The following MUC3A variants were observed in gnomAD, a reference collection of about 807,000 sequenced individuals.
MUC3A encodes mucin-3A.
In MUC3A, 109 loss-of-function variants were observed where a neutral mutation model predicts 109.0. The ratio of observed to expected loss-of-function variants is 1.00; its 90% CI spans 0.86 to 1.17. The LOEUF is 1.17. Among genes scored for constraint, MUC3A ranks in the 50% most tolerant of loss-of-function variants. The pLI, the probability that MUC3A is intolerant of heterozygous loss-of-function variation, is 0.00. For synonymous variants in MUC3A, 1,398 were observed against 981.4 expected (o/e 1.42, Z -7.93); for missense variants, 3,537 against 2,469.4 (o/e 1.43, Z -9.16).
chr7:100,950,339 C>G (rs1237621679), intron 1 of MUC3A, among the ~76,000 whole-genome samples: 2 of 152,252 alleles, frequency 1.3e-5, no homozygotes, highest in African/African-American at 4.8e-5. Flanking sequence ...CCAGGCTTCT[C>G]TCTTCTGCCC....
chr7:100,966,152 T>TTGTTCTAGGGTGGATCCCCGCCCCCG, intron 8 of MUC3A: 2 of 503,076 alleles, frequency 4.0e-6, no homozygotes, highest in Non-Finnish European at 6.3e-6. Context: ...CCCCGCCCCC[T>TTGTTCTAGGGTGGATCCCCGCCCCCG]CCTTCTAGGG....
chr7:100,962,809 CTCTCTTTCTT>C (rs754597298), intron 3 of MUC3A, among the ~76,000 whole-genome samples: 4 of 30,704 alleles, frequency 1.3e-4, no homozygotes, highest in South Asian at 1.0e-3. Flanking sequence ...CTCTCTCTCT[CTCTCTTTCTT>C]TCTTTCTTTC....
rs78162235 is a variant in MUC3A, at chr7:100,958,632, C to G, written c.6853C>G (p.His2285Asp). The change falls in exon 2 of 12, where the codon CAC becomes GAC. Residue 2285 changes from histidine (H) to aspartate (D), a missense_variant. Coordinates refer to ENST00000379458, the MANE Select transcript of MUC3A (RefSeq NM_005960.2). The part of the protein sequence containing the change: ...SSITTSETPS[H>D]STPSSTSLIT... The stretch of plus-strand genomic sequence containing the variant: ...AATCACCACCAGTGAGACCCCCTCA[C>G]ACAGTACTCCCAGCTCCACTTCTTT... 17 of 1,451,414 alleles carry G rather than the reference C, an allele frequency of 1.2e-5. No homozygotes were observed. In the African/African-American group the frequency reaches 2.5e-4, roughly 22 times the overall value. The allele number at this position is 1,451,414 out of a possible 1,614,324, so 89.9% of individuals were successfully genotyped here.
In MUC3A at chr7:100,957,967, T is replaced by C; in HGVS notation, c.6188T>C (p.Ile2063Thr). ...AGTACTCCCAGCTTCACTTCATTGATCACCATCACCGAGATCACCTCACAC... is the reference window on the plus strand; with the variant it reads ...AGTACTCCCAGCTTCACTTCATTGACCACCATCACCGAGATCACCTCACAC... ...SHSTPSFTSL[I>T]TITEITSHST... The change falls in exon 2 of 12, where the codon ATC becomes ACC. Residue 2063 changes from isoleucine to threonine, a missense_variant. Coordinates refer to ENST00000379458, the MANE Select transcript of MUC3A (RefSeq NM_005960.2). 2.6e-6 allele frequency: 2 copies of C among 780,382 alleles called. No homozygotes were observed. The highest frequency in any genetic ancestry group is 1.3e-5 in the South Asian group (1 of 74,682). 48.3% of individuals were successfully genotyped at this position (780,382 alleles called of 1,614,324 possible).
Position 100,957,021 on chromosome 7 carries a change from A to T in MUC3A, c.5242A>T (p.Ile1748Phe). The T allele has an allele frequency of 4.4e-6, 2 of 452,960 alleles. No homozygotes were observed. Among genetic ancestry groups the T allele is most frequent in the Non-Finnish European group, 7.7e-6 (2 of 258,238 alleles). The allele number at this position is 452,960 out of a possible 1,614,324, so 28.1% of individuals were successfully genotyped here. ...CACCACACTGACTCCTACCTCTGAC[A>T]TTTCCACAGGATCTTTCAAAACAGC... ...KTTTLTPTSDISTGSFKTAVS... is the reference protein window; with the variant it reads ...KTTTLTPTSDFSTGSFKTAVS... Residue 1748 changes from isoleucine to phenylalanine, a missense_variant, in exon 2 of 12, where the codon ATT (isoleucine) becomes TTT (phenylalanine). Ile to Phe is a conservative substitution (Grantham distance 21, BLOSUM62 0). Coordinates refer to ENST00000379458, the MANE Select transcript of MUC3A (RefSeq NM_005960.2).
At chr7:100,965,923 A>T in intron 8 of MUC3A, 57 bp downstream of exon 8, 1 of 1,533,668 alleles carries the variant, frequency 6.5e-7, no homozygotes, top group East Asian at 2.3e-5. Context: ...TTCTAGGATG[A>T]AGCCCTGCCC....
chr7:100,959,131 C>T lies in MUC3A; in HGVS notation c.7352C>T (p.Thr2451Ile). Residue 2451 changes from threonine to isoleucine, a missense_variant, in exon 2 of 12, where the codon ACA becomes ATA. Physicochemically the swap from Thr to Ile is moderately conservative, Grantham distance 89. Coordinates refer to ENST00000379458, the MANE Select transcript of MUC3A (RefSeq NM_005960.2). Reference protein sequence around the residue: ...PSLSSSTIYSTVSTSTTAITS... With the variant: ...PSLSSSTIYSIVSTSTTAITS... ...CTCAGTTCTTCAACCATCTACTCCA[C>T]AGTCAGCACATCCACAACTGCCATC... 7.1e-7 allele frequency: 1 copy of T among 1,400,058 alleles called. No homozygotes were observed. Among genetic ancestry groups the T allele is most frequent in the Non-Finnish European group, 9.3e-7 (1 of 1,080,734 alleles). 86.7% of individuals were successfully genotyped at this position (1,400,058 alleles called of 1,614,324 possible). A position where few individuals can be genotyped will look rare whatever the true frequency, so the allele number is the denominator to read the frequency against.
intron 5 of MUC3A, 45 bp downstream of exon 5, chr7:100,963,797 A>T: frequency 1.3e-6 from 2 of 1,597,372 alleles, no homozygotes. Context: ...TGGGTGGGGG[A>T]AATGTGCGCA....
In MUC3A at chr7:100,959,779, G is replaced by C; in HGVS notation, c.8000G>C (p.Ser2667Thr). The C allele has an allele frequency of 1.3e-6, 2 of 1,597,404 alleles. No homozygotes were observed. The highest frequency in any genetic ancestry group is 1.7e-6 in the Non-Finnish European group (2 of 1,179,206). Residue 2667 changes from serine (S) to threonine (T), a missense_variant, in exon 2 of 12, where the codon AGT (serine) becomes ACT (threonine). Coordinates refer to ENST00000379458, the MANE Select transcript of MUC3A (RefSeq NM_005960.2). Reference sequence around the variant, plus strand: ...ACTACAGAATCTTTCACTAGGGGAAGTACGTCTACAAATGCAATCTTGACT... The same window carrying C: ...ACTACAGAATCTTTCACTAGGGGAACTACGTCTACAAATGCAATCTTGACT... Reference protein sequence around the residue: ...EFTTESFTRGSTSTNAILTSF... With the variant: ...EFTTESFTRGTTSTNAILTSF...
In MUC3A at chr7:100,963,697, A is replaced by AT; in HGVS notation, c.9183dup (p.Ala3062CysfsTer42). 3.8e-6 allele frequency: 6 copies of AT among 1,598,510 alleles called. No individual in the cohort carries two copies. The highest frequency in any genetic ancestry group is 5.1e-6 in the Non-Finnish European group (6 of 1,179,796). On this transcript the variant is annotated frameshift_variant, in exon 5 of 12. Coordinates refer to ENST00000379458, the MANE Select transcript of MUC3A (RefSeq NM_005960.2). LOFTEE classifies it high-confidence loss of function. The stretch of plus-strand genomic sequence containing the variant: ...ATCCTTGGTGTTTCAGATGCAGAAG[A>AT]TTTTTGCAGACATGCAGGGCTTCAC...
In MUC3A at chr7:100,963,732, T is replaced by C. The variant is rs1792421220; in HGVS notation, c.9213T>C (p.Gly3071=). ...ACATGCAGGGCTTCACCTTCAAGGG[T>C]GTGGAGATCCTGTCCCTGAGGTAGG... ...FADMQGFTFK[G]VEILSLRNGS... Residue 3071 remains glycine (G), a synonymous_variant, in exon 5 of 12, where the codon GGT becomes GGC. Coordinates refer to ENST00000379458, the MANE Select transcript of MUC3A (RefSeq NM_005960.2). 1.9e-6 allele frequency: 3 copies of C among 1,598,438 alleles called. No homozygotes were observed. In the African/African-American group the frequency reaches 4.0e-5, roughly 21 times the overall value.
chr7:100,964,791 G>T lies in MUC3A; in HGVS notation c.9330G>T (p.Lys3110Asn), dbSNP rs587722778. 7 of 1,598,130 alleles carry T rather than the reference G, an allele frequency of 4.4e-6. No individual in the cohort carries two copies. The highest frequency in any genetic ancestry group is 5.9e-6 in the Non-Finnish European group (7 of 1,179,564). Residue 3110 changes from lysine (K) to asparagine (N), a missense_variant, in exon 6 of 12, where the codon AAG becomes AAT. Coordinates refer to ENST00000379458, the MANE Select transcript of MUC3A (RefSeq NM_005960.2). ...ATGAGCAGGTGAAGACCACGCTGAA[G>T]GAGGGGCTGCAGAACGCCAGCCAGG... is the stretch of plus-strand genomic sequence containing the variant. ...SEYEQVKTTLKEGLQNASQDV... is the reference protein window; with the variant it reads ...SEYEQVKTTLNEGLQNASQDV...
Position 100,963,817 on chromosome 7 carries a change from C to T in MUC3A, c.9233+65C>T, listed in dbSNP as rs950479555. On this transcript the variant is annotated intron_variant, in intron 5 of 11. Transcript: ENST00000379458. ...GGGGGAAATGTGCGCACACAAAAAA[C>T]CCATTCCTTTCTTTTGTAATCATCA... 6 of 1,590,028 alleles carry T rather than the reference C, an allele frequency of 3.8e-6. No individual in the cohort carries two copies. The Admixed American group carries it at 6.8e-5, about 18-fold the overall frequency.
At position 100,951,982 on chromosome 7, in the gene MUC3A, C is replaced by T. The variant is rs753613113; in HGVS notation, c.203C>T (p.Pro68Leu). Residue 68 changes from proline to leucine, a missense_variant, in exon 2 of 12, where the codon CCT (proline) becomes CTT (leucine). Pro to Leu is a moderately conservative substitution (Grantham distance 98). Coordinates refer to ENST00000379458, the MANE Select transcript of MUC3A (RefSeq NM_005960.2). ...GTCCCCCAGCTCGCCTCTCCTGCTC[C>T]TGGCCACAGGGAAAATGCACCTATG... is the stretch of plus-strand genomic sequence containing the variant. The part of the protein sequence containing the change: ...LGVPQLASPA[P>L]GHRENAPMTL... 2 of 1,598,668 alleles carry T rather than the reference C, an allele frequency of 1.3e-6. No homozygotes were observed. Among genetic ancestry groups the T allele is most frequent in the Admixed American group, 3.3e-5 (2 of 60,030 alleles).
rs777227736 is a variant in MUC3A at position 100,960,100 on chromosome 7, C to A, written c.8321C>A (p.Thr2774Lys). 5.9e-6 allele frequency: 9 copies of A among 1,526,818 alleles called. No individual in the cohort carries two copies. The highest frequency in any genetic ancestry group is 4.0e-5 in the Admixed American group (2 of 49,796). The allele number at this position is 1,526,818 out of a possible 1,614,324, so 94.6% of individuals were successfully genotyped here. Residue 2774 changes from threonine to lysine, a missense_variant, in exon 2 of 12, where the codon ACA becomes AAA. Transcript: ENST00000379458. ...PSTTPCPGTI[T>K]ITIVPASPTD... ...ACCACACCCTGTCCAGGAACTATAA[C>A]AATTACCATAGTCCCTGCCTCCCCC...
chr7:100,964,936 C>G lies in MUC3A; in HGVS notation c.9382+93C>G, dbSNP rs1451163271. On this transcript the variant is annotated intron_variant, in intron 6 of 11. Transcript: ENST00000379458. ...GGGGCCACTGGGCTCAGGTGCCAGC[C>G]CTGTGGTACCTCTGGCAGGTTGGGA... The G allele has an allele frequency of 7.4e-6, 11 of 1,478,720 alleles. No individual in the cohort carries two copies. In the East Asian group the frequency reaches 1.5e-4, roughly 20 times the overall value. 91.6% of individuals were successfully genotyped at this position (1,478,720 alleles called of 1,614,324 possible).
At position 100,966,489 on chromosome 7, in the gene MUC3A, G is replaced by A. The variant is rs587734325; in HGVS notation, c.9715G>A (p.Val3239Met). Residue 3239 changes from valine (V) to methionine (M), a missense_variant, in exon 9 of 12, where the codon GTG becomes ATG. Physicochemically the swap from Val to Met is conservative, Grantham distance 21. Coordinates refer to ENST00000379458, the MANE Select transcript of MUC3A (RefSeq NM_005960.2). ...GGLTAGAALLVLLLLALGVRA... is the reference protein window; with the variant it reads ...GGLTAGAALLMLLLLALGVRA... ...CCTGACGGCCGGCGCCGCGCTGCTGGTGCTGCTGCTGCTGGCGCTGGGCGT... is the reference window on the plus strand; with the variant it reads ...CCTGACGGCCGGCGCCGCGCTGCTGATGCTGCTGCTGCTGGCGCTGGGCGT... 6.8e-6 allele frequency: 9 copies of A among 1,320,982 alleles called. No individual in the cohort carries two copies. The highest frequency in any genetic ancestry group is 7.4e-5 in the Admixed American group (2 of 27,204). The allele number at this position is 1,320,982 out of a possible 1,614,324, so 81.8% of individuals were successfully genotyped here.
Position 100,964,844 on chromosome 7 carries a change from G to C in MUC3A, c.9382+1G>C. The C allele has an allele frequency of 6.3e-7, 1 of 1,597,002 alleles. No homozygotes were observed. Among genetic ancestry groups the C allele is most frequent in the Non-Finnish European group, 8.5e-7 (1 of 1,178,720 alleles). On this transcript the variant is annotated splice_donor_variant, in intron 6 of 11. Coordinates refer to ENST00000379458, the MANE Select transcript of MUC3A (RefSeq NM_005960.2). LOFTEE classifies it high-confidence loss of function. ...GTGAACAGCTGCCAGGACTCCCAGA[G>C]TGAGCCCAGGCTGGAGGGAGGGGCC...
rs780924906 is a variant in MUC3A, at chr7:100,960,631, T to A, written c.8852T>A (p.Leu2951Ter). 11 of 1,597,904 alleles carry A rather than the reference T, an allele frequency of 6.9e-6. No individual in the cohort carries two copies. In the African/African-American group the frequency reaches 1.2e-4, roughly 17 times the overall value. Reference sequence around the variant, plus strand: ...TCTCAGATGACCACACAGTCCACGTTGACCACCACTGCAGGTTGGACCTTC... The same window carrying A: ...TCTCAGATGACCACACAGTCCACGTAGACCACCACTGCAGGTTGGACCTTC... The part of the protein sequence containing the change: ...ITSQMTTQST[L>*]TTTAGTCDNG... Residue 2951 changes from leucine to a stop codon, truncating the protein, a stop_gained, in exon 2 of 12, where the codon TTG (leucine) becomes TAG (stop). Transcript: ENST00000379458. LOFTEE classifies it high-confidence loss of function.
Sources: allele counts gnomAD v4.1 joint callset (sites outside exome capture counted in the v4.1 genomes callset), GRCh38; gene constraint gnomAD v4.1.1; transcripts MANE v1.5; gene names NCBI Gene and HGNC (gene_info 2026-07-23, HGNC 2026-07-21).